The following CNTNAP2 variants were observed in gnomAD, a reference collection of about 807,000 sequenced individuals.
The protein encoded by CNTNAP2 is contactin associated protein 2.
A neutral mutation model predicts 155.2 loss-of-function variants in CNTNAP2; 98 were observed. The ratio of observed to expected loss-of-function variants is 0.63; its 90% confidence interval spans 0.54 to 0.75. CNTNAP2 has a LOEUF of 0.75. Among genes scored for constraint, CNTNAP2 ranks in the 30% least tolerant of loss-of-function variants. The pLI, the probability that CNTNAP2 is intolerant of heterozygous loss-of-function variation, is 0.00. For missense variants in CNTNAP2, 1,727 were observed against 1,688.1 expected (o/e 1.02, Z -0.40); for synonymous variants, 651 against 631.2 (o/e 1.03, Z -0.47).
At position 147,310,657 on chromosome 7, in the gene CNTNAP2, T is replaced by C. The variant is rs542328104; in HGVS notation, c.1498+10367T>C. Among the ~76,000 whole-genome samples, 27 of 152,310 alleles carry C rather than the reference T, an allele frequency of 1.8e-4. No individual in the cohort carries two copies. The South Asian group carries it at 5.0e-3, about 28-fold the overall frequency. On this transcript the variant is annotated intron_variant, in intron 9 of 23. Transcript: ENST00000361727. ...AAGTCTACAGTTTATCCTATGAAGT[T>C]GATTTTATTGTGCTTTAACAAAAAG...
intron 3 of CNTNAP2, among the ~76,000 whole-genome samples, chr7:146,978,997 G>A (rs1039149411): frequency 4.5e-4 from 68 of 152,158 alleles, no homozygotes; most frequent in African/African-American, 1.6e-3. Flanking sequence ...TCCTGTGGAA[G>A]TTCTGAAGAT....
intron 15 of CNTNAP2, among the ~76,000 whole-genome samples, chr7:148,023,728 C>G (rs945992358): frequency 1.3e-5 from 2 of 152,184 alleles, no homozygotes; most frequent in African/African-American, 4.8e-5. Context: ...AAGTTGGATG[C>G]TGTTTGCTGT....
intron 1 of CNTNAP2, among the ~76,000 whole-genome samples, chr7:146,356,192 C>T (rs758210510): frequency 1.3e-5 from 2 of 151,934 alleles, no homozygotes; most frequent in South Asian, 2.1e-4. Flanking sequence ...ACTCGCAAAC[C>T]GTACATTGTT....
At chr7:148,397,816 A>T (rs1035175052) in intron 22 of CNTNAP2, among the ~76,000 whole-genome samples, 1 of 152,226 alleles carries the variant, frequency 6.6e-6, no homozygotes, top group Non-Finnish European at 1.5e-5. Flanking sequence ...AACCAAGGAT[A>T]ATTTGTTTCA....
intron 13 of CNTNAP2, among the ~76,000 whole-genome samples, chr7:147,823,215 C>G (rs1356177069): frequency 6.6e-6 from 1 of 152,152 alleles, no homozygotes; most frequent in Non-Finnish European, 1.5e-5. Flanking sequence ...ATGGAGGCTT[C>G]AGTTCTTCTG....
chr7:147,690,659 G>T (rs915608449), intron 13 of CNTNAP2, among the ~76,000 whole-genome samples: 4 of 152,048 alleles, frequency 2.6e-5, no homozygotes, highest in African/African-American at 9.7e-5. Flanking sequence ...GGACTGTTGG[G>T]GTGGGAGGCA....
chr7:146,905,647 TC>T (rs1447239624), intron 3 of CNTNAP2, among the ~76,000 whole-genome samples: 1 of 152,216 alleles, frequency 6.6e-6, no homozygotes, highest in African/African-American at 2.4e-5. Flanking sequence ...AAACAACTTT[TC>T]TTTGTAGCTG....
At chr7:147,167,930 C>T (rs1445460880) in intron 8 of CNTNAP2, among the ~76,000 whole-genome samples, 2 of 150,800 alleles carry the variant, frequency 1.3e-5, no homozygotes, top group Non-Finnish European at 3.0e-5. Flanking sequence ...TTTCAAATAT[C>T]TTTTTAAAAA....
At chr7:146,855,848 TATATAC>T (rs1794971841) in intron 3 of CNTNAP2, among the ~76,000 whole-genome samples, 1 of 94,144 alleles carries the variant, frequency 1.1e-5, no homozygotes, top group East Asian at 3.1e-4. Context: ...TATATATATA[TATATAC>T]ACACTTACAT....
Position 147,773,203 on chromosome 7 carries a change from T to C in CNTNAP2, c.2099-130362T>C, listed in dbSNP as rs374061900. 3.8e-4 allele frequency among the ~76,000 whole-genome samples: 58 copies of C among 152,342 alleles called. 1 individual carries two copies. In the South Asian group the frequency reaches 0.011, roughly 30 times the overall value. The stretch of plus-strand genomic sequence containing the variant: ...ATGAACAATCCTTACTCAAAAGATA[T>C]TGAATGTTCAGTATTTTTTTAATGG... On this transcript the variant is annotated intron_variant, in intron 13 of 23. Coordinates refer to ENST00000361727, the MANE Select transcript of CNTNAP2 (RefSeq NM_014141.6).
intron 1 of CNTNAP2, among the ~76,000 whole-genome samples, chr7:146,436,577 A>G (rs796399838): frequency 3.9e-5 from 6 of 152,358 alleles, no homozygotes; most frequent in African/African-American, 1.4e-4. Context: ...GGTAACATAA[A>G]GCAAAATGAT....
rs140516211 is a variant in CNTNAP2, at chr7:146,527,438, T to C, written c.98-246833T>C. The stretch of plus-strand genomic sequence containing the variant: ...GGAAAGCAAGATAGAGGATTTCAGC[T>C]ACTATGCATGAGACAGCAAGGCAAG... On this transcript the variant is annotated intron_variant, in intron 1 of 23. Transcript: ENST00000361727. Among the ~76,000 whole-genome samples, 6 of 152,272 alleles carry C rather than the reference T, an allele frequency of 3.9e-5. 1 individual carries two copies. The highest frequency in any genetic ancestry group is 6.8e-3 in the Middle Eastern group (2 of 294).
chr7:147,924,704 G>T (rs1189137664), intron 14 of CNTNAP2, among the ~76,000 whole-genome samples: 1 of 152,120 alleles, frequency 6.6e-6, no homozygotes, highest in African/African-American at 2.4e-5. Context: ...CAGAGAAGGA[G>T]GCATGGAGAA....
intron 1 of CNTNAP2, among the ~76,000 whole-genome samples, chr7:146,385,095 T>C (rs886649032): frequency 1.8e-4 from 28 of 152,188 alleles, no homozygotes; most frequent in African/African-American, 6.5e-4. Context: ...AACTTTTCAC[T>C]GATCCAATTT....
intron 8 of CNTNAP2, among the ~76,000 whole-genome samples, chr7:147,189,833 C>T (rs1463658335): frequency 4.6e-5 from 7 of 152,046 alleles, no homozygotes; most frequent in Non-Finnish European, 1.5e-5. Context: ...TAAGCTCCGC[C>T]CCCCAAGTTC....
At chr7:148,166,566 T>C (rs765849757) in intron 17 of CNTNAP2, among the ~76,000 whole-genome samples, 1 of 152,202 alleles carries the variant, frequency 6.6e-6, no homozygotes, top group Non-Finnish European at 1.5e-5. Flanking sequence ...TTTGTCCCAG[T>C]CTTCTGTGCA....
chr7:147,983,971 T>C (rs902648715), intron 15 of CNTNAP2, among the ~76,000 whole-genome samples: 5 of 152,178 alleles, frequency 3.3e-5, no homozygotes, highest in African/African-American at 1.2e-4. Flanking sequence ...TATTCATAGA[T>C]GTGAATTTTC....
At chr7:147,967,335 G>A (rs1801234076) in intron 14 of CNTNAP2, among the ~76,000 whole-genome samples, 1 of 152,140 alleles carries the variant, frequency 6.6e-6, no homozygotes, top group Non-Finnish European at 1.5e-5. Flanking sequence ...ATGTAAACAT[G>A]CATCTTTCCT....
At chr7:146,787,445 G>A (rs1802593864) in intron 2 of CNTNAP2, among the ~76,000 whole-genome samples, 1 of 152,180 alleles carries the variant, frequency 6.6e-6, no homozygotes. Flanking sequence ...CAGGAATGAA[G>A]CTGCAGACCT....
Sources: allele counts gnomAD v4.1 joint callset (sites outside exome capture counted in the v4.1 genomes callset), GRCh38; gene constraint gnomAD v4.1.1; transcripts MANE v1.5; gene names NCBI Gene and HGNC (gene_info 2026-07-23, HGNC 2026-07-21).